The following MYOM2 variants were observed in gnomAD, a reference collection of about 807,000 sequenced individuals.
MYOM2 encodes the protein myomesin-2.
A neutral mutation model predicts 187.6 loss-of-function variants in MYOM2; 254 were observed. That is an observed-to-expected ratio of 1.35 (90% confidence interval 1.22 to 1.50). The LOEUF is 1.50. MYOM2 is among the 40% of genes most tolerant of loss of function. The pLI is 0.00. For synonymous variants in MYOM2, 981 were observed against 753.8 expected, an observed-to-expected ratio of 1.30 and a Z score of -4.94; for missense variants, 2,796 against 1,924.0, an observed-to-expected ratio of 1.45 and a Z score of -8.48.
Position 2,116,086 on chromosome 8 carries a change from C to T in MYOM2, c.3307C>T (p.Leu1103=), listed in dbSNP as rs778287356. The T allele has an allele frequency of 1.2e-6, 2 of 1,612,710 alleles. No homozygotes were observed. The highest frequency in any genetic ancestry group is 1.1e-5 in the South Asian group (1 of 90,762). The part of the protein sequence containing the change: ...HDGKAKSQSS[L]VLIGDAFKTV... ...TGGGAAAGCCAAAAGTCAGTCTTCT[C>T]TAGTTCTTATTGGAGATGGTATGCT... is the stretch of plus-strand genomic sequence containing the variant. The change falls in exon 26 of 37, where the codon CTA becomes TTA. Residue 1103 remains leucine, a synonymous_variant. Transcript: ENST00000262113.
chr8:2,136,760 C>G (rs564531515), intron 32 of MYOM2, among the ~76,000 whole-genome samples: 49 of 152,150 alleles, frequency 3.2e-4, no homozygotes, highest in Non-Finnish European at 6.0e-4. Context: ...CCCTTGTCAC[C>G]TATATCAAAA....
At position 2,085,374 on chromosome 8, in the gene MYOM2, T is replaced by C. The variant is rs187766954; in HGVS notation, c.1628T>C (p.Met543Thr). 9.0e-5 allele frequency: 145 copies of C among 1,613,694 alleles called. No homozygotes were observed. Among genetic ancestry groups the C allele is most frequent in the Non-Finnish European group, 1.2e-4 (136 of 1,179,824 alleles). ...ACTCCCCGTGGCAAGGACCCGCTCATGTACTTCATTGAGAAGGTAAACTCC... is the reference window on the plus strand; with the variant it reads ...ACTCCCCGTGGCAAGGACCCGCTCACGTACTTCATTGAGAAGGTAAACTCC... ...PPTPRGKDPLMYFIEKSVVGS... is the reference protein window; with the variant it reads ...PPTPRGKDPLTYFIEKSVVGS... The change falls in exon 14 of 37, where the codon ATG becomes ACG. Residue 543 changes from methionine (M) to threonine (T), a missense_variant. Transcript: ENST00000262113.
intron 32 of MYOM2, among the ~76,000 whole-genome samples, chr8:2,129,893 C>G (rs1303864868): frequency 6.6e-6 from 1 of 152,150 alleles, no homozygotes; most frequent in Non-Finnish European, 1.5e-5. Flanking sequence ...ACAGGACTCG[C>G]ATCAGGGTCA....
At chr8:2,104,569 C>T (rs953439063) in intron 21 of MYOM2, among the ~76,000 whole-genome samples, 5 of 151,504 alleles carry the variant, frequency 3.3e-5, no homozygotes, top group African/African-American at 1.2e-4. Context: ...CGCGCCACTG[C>T]ACTCTAGCCT....
At chr8:2,048,028 C>G (rs1225091842) in intron 1 of MYOM2, among the ~76,000 whole-genome samples, 1 of 152,232 alleles carries the variant, frequency 6.6e-6, no homozygotes, top group Non-Finnish European at 1.5e-5. Context: ...CAGGGCGATT[C>G]TCCTCTTATT....
chr8:2,134,008 C>G (rs1797968008), intron 32 of MYOM2, among the ~76,000 whole-genome samples: 1 of 151,868 alleles, frequency 6.6e-6, no homozygotes, highest in African/African-American at 2.4e-5. Context: ...AGGTTAACGC[C>G]TTGTGTAGCC....
chr8:2,111,143 T>C (rs1585924802), intron 25 of MYOM2, among the ~76,000 whole-genome samples: 1 of 152,248 alleles, frequency 6.6e-6, no homozygotes, highest in Non-Finnish European at 1.5e-5. Context: ...GCCTGCTGTA[T>C]AGAGCTTGCT....
intron 31 of MYOM2, 25 bp from the exon 32 acceptor site, chr8:2,129,102 T>G (rs769544670): frequency 5.8e-6 from 9 of 1,561,298 alleles, no homozygotes; most frequent in Non-Finnish European, 7.1e-6. Flanking sequence ...TTTTCCTAGA[T>G]CTGAGGATGT....
At chr8:2,093,572 C>G (rs900387178) in intron 16 of MYOM2, among the ~76,000 whole-genome samples, 2 of 152,186 alleles carry the variant, frequency 1.3e-5, no homozygotes, top group Non-Finnish European at 2.9e-5. Context: ...CCCCAGTATT[C>G]GAGCCTAGTC....
intron 25 of MYOM2, among the ~76,000 whole-genome samples, chr8:2,111,892 C>T (rs117653426): frequency 9.2e-5 from 14 of 152,280 alleles, no homozygotes; most frequent in Admixed American, 3.9e-4. Flanking sequence ...CACAAGTATA[C>T]GCTGTGTGAT....
In MYOM2 at chr8:2,141,039, A is replaced by G. The variant is rs1585982172; in HGVS notation, c.3965-102A>G. ...AAAAATAAATTTATTCTTTTTTTATATATCAGTTTTCATGAACCAGATTCA... is the reference window on the plus strand; with the variant it reads ...AAAAATAAATTTATTCTTTTTTTATGTATCAGTTTTCATGAACCAGATTCA... On this transcript the variant is annotated intron_variant, in intron 33 of 36. Transcript: ENST00000262113. The G allele has an allele frequency of 6.8e-5, 91 of 1,341,800 alleles. No individual in the cohort carries two copies. The East Asian group carries it at 1.9e-3, about 28-fold the overall frequency. The allele number at this position is 1,341,800 out of a possible 1,614,324, so 83.1% of individuals were successfully genotyped here. A position where few individuals can be genotyped will look rare whatever the true frequency, so the allele number is the denominator to read the frequency against.
Position 2,086,341 on chromosome 8 carries a change from T to TCA in MYOM2, c.1644+951_1644+952insCA, listed in dbSNP as rs1796048695. On this transcript the variant is annotated intron_variant, in intron 14 of 36. Coordinates refer to ENST00000262113, the MANE Select transcript of MYOM2 (RefSeq NM_003970.4). ...GTGATCTCTGCGTGGCCCCCCACTG[T>TCA]TGTGATCTCTGCGTGGCCTCCCACT... Among the ~76,000 whole-genome samples, 17 of 104,818 alleles carry TCA rather than the reference T, an allele frequency of 1.6e-4. 3 individuals are homozygous for TCA. The highest frequency in any genetic ancestry group is 4.1e-4 in the Admixed American group (4 of 9,802). 68.8% of individuals were successfully genotyped at this position (104,818 alleles called of 152,430 possible).
At chr8:2,136,944 A>G (rs951168144) in intron 32 of MYOM2, among the ~76,000 whole-genome samples, 1 of 152,062 alleles carries the variant, frequency 6.6e-6, no homozygotes, top group African/African-American at 2.4e-5. Context: ...CACCTGTTGG[A>G]CAAAGCTGTG....
At position 2,141,138 on chromosome 8, in the gene MYOM2, C is replaced by T; in HGVS notation, c.3965-3C>T. 6.2e-7 allele frequency: 1 copy of T among 1,611,432 alleles called. No individual in the cohort carries two copies. The highest frequency in any genetic ancestry group is 1.1e-5 in the South Asian group (1 of 90,728). On this transcript the variant is annotated splice_region_variant and splice_polypyrimidine_tract_variant and intron_variant, in intron 33 of 36. Transcript: ENST00000262113. ...TAGTAACGTATGAACTATTTCCTCA[C>T]AGCTTTTGATGAAGCATTTGCAGAA...
At position 2,057,492 on chromosome 8, in the gene MYOM2, A is replaced by G. The variant is rs1230782018; in HGVS notation, c.402+6A>G. The G allele has an allele frequency of 1.2e-6, 2 of 1,613,932 alleles. No homozygotes were observed. The highest frequency in any genetic ancestry group is 8.5e-7 in the Non-Finnish European group (1 of 1,179,904). On this transcript the variant is annotated splice_donor_region_variant and intron_variant, in intron 4 of 36. Coordinates refer to ENST00000262113, the MANE Select transcript of MYOM2 (RefSeq NM_003970.4). ...AATACGCCATTCAGCAGATGGTAGGAGGGTCTCAGGGTGGCTGGGTGTCTG... is the reference window on the plus strand; with the variant it reads ...AATACGCCATTCAGCAGATGGTAGGGGGGTCTCAGGGTGGCTGGGTGTCTG...
intron 6 of MYOM2, among the ~76,000 whole-genome samples, chr8:2,064,399 C>T (rs1014309760): frequency 5.9e-5 from 9 of 152,352 alleles, no homozygotes; most frequent in Non-Finnish European, 1.3e-4. Context: ...GTGGGGGTGA[C>T]CGCGAGCTCC....
chr8:2,090,827 C>T (rs946554274), intron 15 of MYOM2, among the ~76,000 whole-genome samples: 2 of 152,152 alleles, frequency 1.3e-5, no homozygotes, highest in Non-Finnish European at 2.9e-5. Flanking sequence ...GCATAGTATT[C>T]CATGGTATAT....
rs532610220 is a variant in MYOM2 at position 2,096,703 on chromosome 8, C to A, written c.2313+269C>A. 2.3e-4 allele frequency among the ~76,000 whole-genome samples: 35 copies of A among 152,236 alleles called. No individual in the cohort carries two copies. The South Asian group carries it at 7.3e-3, about 32-fold the overall frequency. On this transcript the variant is annotated intron_variant, in intron 18 of 36. Coordinates refer to ENST00000262113, the MANE Select transcript of MYOM2 (RefSeq NM_003970.4). ...CCTCTGGTGTGACCAGCATCTGGTC[C>A]CAGTACCTGTGGTAATGTCCCTTGT...
chr8:2,092,943 G>A (rs1014752732), intron 16 of MYOM2, among the ~76,000 whole-genome samples: 4 of 152,108 alleles, frequency 2.6e-5, no homozygotes, highest in African/African-American at 9.7e-5. Context: ...GACCCCACCG[G>A]GCGCCGACTC....
Sources: gnomAD v4.1 joint callset for allele counts (sites outside exome capture counted in the v4.1 genomes callset) on GRCh38, gnomAD v4.1.1 for gene constraint, MANE v1.5 for transcripts, NCBI Gene and HGNC (gene_info 2026-07-23, HGNC 2026-07-21) for gene names.